Variants in GALNTL6 observed in about 807,000 individuals in gnomAD.
GALNTL6 encodes the protein polypeptide N-acetylgalactosaminyltransferase-like 6.
Under a neutral mutation model 73.7 loss-of-function variants are expected in GALNTL6, and 46 were observed. That is an observed-to-expected ratio of 0.62 (90% confidence interval 0.49 to 0.80). GALNTL6 has a LOEUF of 0.80. Among genes scored for constraint, GALNTL6 ranks in the 30% least tolerant of loss-of-function variants. The probability of loss-of-function intolerance (pLI) is 0.00; values close to 1 mark genes in which losing one functional copy is unlikely to be tolerated. For synonymous variants in GALNTL6, 259 were observed against 263.7 expected (o/e 0.98, Z 0.17); for missense variants, 604 against 755.0 (o/e 0.80, Z 2.34).
intron 5 of GALNTL6, among the ~76,000 whole-genome samples, chr4:172,469,751 A>G (rs1316940331): frequency 6.6e-6 from 1 of 152,254 alleles, no homozygotes; most frequent in African/African-American, 2.4e-5. Flanking sequence ...TGGTGGATCT[A>G]TAATGTTTGC....
chr4:172,988,253 G>A (rs1182748485), intron 10 of GALNTL6, among the ~76,000 whole-genome samples: 1 of 152,190 alleles, frequency 6.6e-6, no homozygotes, highest in Non-Finnish European at 1.5e-5. Context: ...CTGGACTAAA[G>A]GTCACTCTTG....
At chr4:172,232,459 C>T (rs1309392781) in intron 3 of GALNTL6, among the ~76,000 whole-genome samples, 4 of 150,650 alleles carry the variant, frequency 2.7e-5, no homozygotes, top group Admixed American at 2.6e-4. Flanking sequence ...TCTTGGTGGG[C>T]CTTTGAATAG....
At chr4:172,342,027 C>T (rs1741585769) in intron 4 of GALNTL6, among the ~76,000 whole-genome samples, 1 of 152,052 alleles carries the variant, frequency 6.6e-6, no homozygotes, top group African/African-American at 2.4e-5. Context: ...GCATAGTGGA[C>T]ACTATTTCTA....
rs1734419723 is a variant in GALNTL6 at position 172,509,289 on chromosome 4, T to C, written c.553+160600T>C. Among the ~76,000 whole-genome samples the C allele has an allele frequency of 3.7e-5, 2 of 54,246 alleles. 1 individual carries two copies. Among genetic ancestry groups the C allele is most frequent in the African/African-American group, 9.2e-5 (2 of 21,658 alleles). The allele number at this position is 54,246 out of a possible 152,430, so 35.6% of individuals were successfully genotyped here. A position where few individuals can be genotyped will look rare whatever the true frequency, so the allele number is the denominator to read the frequency against. ...TTCATGTCTTTAGCCCACTTTTTGATGGGATTCTTTGGGTTTTTTTCTTGC... is the reference window on the plus strand; with the variant it reads ...TTCATGTCTTTAGCCCACTTTTTGACGGGATTCTTTGGGTTTTTTTCTTGC... On this transcript the variant is annotated intron_variant, in intron 5 of 12. Transcript: ENST00000506823.
At chr4:171,995,876 G>A (rs557498583) in intron 2 of GALNTL6, among the ~76,000 whole-genome samples, 53 of 152,134 alleles carry the variant, frequency 3.5e-4, no homozygotes, top group African/African-American at 1.3e-3. Flanking sequence ...CAGTTTTAAA[G>A]TGCCTTTAGT....
intron 2 of GALNTL6, among the ~76,000 whole-genome samples, chr4:171,946,608 G>A (rs558453011): frequency 3.3e-5 from 5 of 152,290 alleles, no homozygotes; most frequent in African/African-American, 9.6e-5. Flanking sequence ...ACAAATGAGA[G>A]GAGAGTAACT....
chr4:172,605,055 T>TA (rs1298548791), intron 5 of GALNTL6, among the ~76,000 whole-genome samples: 2 of 152,118 alleles, frequency 1.3e-5, no homozygotes, highest in Middle Eastern at 3.2e-3. Flanking sequence ...GCATTTGAAA[T>TA]AAAAAATAGA....
chr4:172,856,202 T>C (rs1744114267), intron 7 of GALNTL6, among the ~76,000 whole-genome samples: 1 of 152,222 alleles, frequency 6.6e-6, no homozygotes, highest in Non-Finnish European at 1.5e-5. Flanking sequence ...TTCTGACAAC[T>C]TGAAGATTCC....
chr4:172,650,721 G>T (rs1560857204), intron 5 of GALNTL6, among the ~76,000 whole-genome samples: 1 of 152,132 alleles, frequency 6.6e-6, no homozygotes, highest in Non-Finnish European at 1.5e-5. Flanking sequence ...TTTGGGAACA[G>T]AATGTAAAGA....
chr4:172,558,164 A>T (rs1332436806), intron 5 of GALNTL6, among the ~76,000 whole-genome samples: 1 of 152,214 alleles, frequency 6.6e-6, no homozygotes, highest in African/African-American at 2.4e-5. Flanking sequence ...AACAGGCAAG[A>T]ACTAAATTAT....
chr4:172,897,058 G>C (rs574676304), intron 8 of GALNTL6, among the ~76,000 whole-genome samples: 1 of 152,168 alleles, frequency 6.6e-6, no homozygotes, highest in African/African-American at 2.4e-5. Flanking sequence ...CCATCTCCTT[G>C]GTTCAGAAAG....
intron 2 of GALNTL6, among the ~76,000 whole-genome samples, chr4:171,844,792 G>A (rs1008229339): frequency 6.6e-6 from 1 of 152,162 alleles, no homozygotes; most frequent in Non-Finnish European, 1.5e-5. Flanking sequence ...GGCACCAGGA[G>A]GGGCGCTTTG....
At chr4:172,830,407 GAC>G (rs1742559149) in intron 7 of GALNTL6, among the ~76,000 whole-genome samples, 3 of 144,208 alleles carry the variant, frequency 2.1e-5, no homozygotes, top group Admixed American at 7.2e-5. Flanking sequence ...TATTAAAAAC[GAC>G]AGTTTACTCA....
At chr4:172,347,546 A>T (rs1256631559) in intron 4 of GALNTL6, among the ~76,000 whole-genome samples, 2 of 152,166 alleles carry the variant, frequency 1.3e-5, no homozygotes, top group Non-Finnish European at 2.9e-5. Flanking sequence ...CATAATTATG[A>T]CCAGGTATGC....
At chr4:172,182,553 C>CAAAAAAAAAAAAA (rs34354883) in intron 2 of GALNTL6, among the ~76,000 whole-genome samples, 6 of 127,454 alleles carry the variant, frequency 4.7e-5, no homozygotes, top group Non-Finnish European at 6.6e-5. Context: ...TGAAAAATAC[C>CAAAAAAAAAAAAA]AAAAAAAAAA....
At chr4:172,731,130 T>A (rs1183368628) in intron 5 of GALNTL6, among the ~76,000 whole-genome samples, 1 of 152,040 alleles carries the variant, frequency 6.6e-6, no homozygotes, top group Admixed American at 6.6e-5. Context: ...TGATATTAGT[T>A]CTTCTTTAAA....
chr4:172,892,275 T>C (rs916402656), intron 8 of GALNTL6, among the ~76,000 whole-genome samples: 4 of 152,250 alleles, frequency 2.6e-5, no homozygotes, highest in African/African-American at 9.6e-5. Flanking sequence ...TTCTTTTTCC[T>C]TTTTAAATTG....
chr4:172,441,519 G>A (rs1561084673), intron 5 of GALNTL6, among the ~76,000 whole-genome samples: 2 of 152,034 alleles, frequency 1.3e-5, no homozygotes, highest in Non-Finnish European at 2.9e-5. Flanking sequence ...TGCCTTAAGT[G>A]TTCTTTATGT....
At chr4:172,316,975 C>G (rs537441831) in intron 4 of GALNTL6, among the ~76,000 whole-genome samples, 1 of 152,242 alleles carries the variant, frequency 6.6e-6, no homozygotes, top group East Asian at 1.9e-4. Flanking sequence ...GTAACCCAAA[C>G]CCACGAATCT....
Sources: gnomAD v4.1 joint callset for allele counts (sites outside exome capture counted in the v4.1 genomes callset) on GRCh38, gnomAD v4.1.1 for gene constraint, MANE v1.5 for transcripts, NCBI Gene and HGNC (gene_info 2026-07-23, HGNC 2026-07-21) for gene names.